ZNF467: variants seen among roughly 807,000 people sequenced by gnomAD.
ZNF467 encodes zinc finger protein 467, also known as zinc finger protein EZI.
ZNF467 carries 51 observed loss-of-function variants against 47.8 expected under a neutral mutation model. That is an observed-to-expected ratio of 1.07 (90% CI 0.85 to 1.35). The LOEUF (loss-of-function observed/expected upper bound fraction) is 1.35, where lower values mean the gene tolerates loss of function less well. Ranked by LOEUF, ZNF467 falls within the 40% of genes most tolerant of loss-of-function variation. The probability of loss-of-function intolerance (pLI) is 0.00; values close to 1 mark genes in which losing one functional copy is unlikely to be tolerated. For synonymous variants in ZNF467, 416 were observed against 372.9 expected, an observed-to-expected ratio of 1.12 and a Z score of -1.33; for missense variants, 992 against 858.1, an observed-to-expected ratio of 1.16 and a Z score of -1.95.
chr7:149,764,513 G>A lies in ZNF467; in HGVS notation c.*201C>T, dbSNP rs1432843629. On this transcript the variant is annotated 3_prime_UTR_variant, in exon 5 of 5. Coordinates refer to ENST00000302017, the MANE Select transcript of ZNF467 (RefSeq NM_207336.3). Reference sequence around the variant, plus strand: ...AAGAACTTCAGCTCAGCGGTTCCCAGCAAGGGTTCGCTGAGTCTCTGTCCT... The same window carrying A: ...AAGAACTTCAGCTCAGCGGTTCCCAACAAGGGTTCGCTGAGTCTCTGTCCT... 10 of 987,272 alleles carry A rather than the reference G, an allele frequency of 1.0e-5. No individual in the cohort carries two copies. The highest frequency in any genetic ancestry group is 1.5e-5 in the Non-Finnish European group (10 of 647,372). 61.2% of individuals were successfully genotyped at this position (987,272 alleles called of 1,614,324 possible).
At chr7:149,770,373 G>A (rs1051725580) in intron 3 of ZNF467, 67 bp downstream of exon 3, 13 of 1,071,050 alleles carry the variant, frequency 1.2e-5, no homozygotes, top group Middle Eastern at 2.2e-4. Flanking sequence ...AAGGGAGAGA[G>A]GTAGGGAGGG....
chr7:149,776,109 G>C (rs369306025), upstream of ZNF467: 1 of 1,360,234 alleles, frequency 7.4e-7, no homozygotes, highest in Non-Finnish European at 9.8e-7. Flanking sequence ...GCCCACCCTG[G>C]ACCCCTCTGA....
At chr7:149,770,303 A>G in intron 3 of ZNF467, 137 bp downstream of exon 3, 5 of 583,036 alleles carry the variant, frequency 8.6e-6, no homozygotes, top group Non-Finnish European at 1.5e-5. Flanking sequence ...CTCAATAAAT[A>G]TTTGATGAAT....
rs1047982602 is a variant in ZNF467 at position 149,769,779 on chromosome 7, C to T, written c.152-579G>A. Among the ~76,000 whole-genome samples the T allele has an allele frequency of 1.3e-5, 2 of 152,226 alleles. No homozygotes were observed. The highest frequency in any genetic ancestry group is 4.8e-5 in the African/African-American group (2 of 41,444). ...TCATACCTCACTGCAGCCTGGGCTT[C>T]AAGGGATCCTCCTGCCCCAGCCTCC... is the stretch of plus-strand genomic sequence containing the variant. On this transcript the variant is annotated intron_variant, in intron 3 of 4. Coordinates refer to ENST00000302017, the MANE Select transcript of ZNF467 (RefSeq NM_207336.3). This position sits in a 1 kb window ranked among gnomAD's most constrained non-coding sequence, Gnocchi z 5.3.
upstream of ZNF467, chr7:149,776,273 G>A: frequency 7.1e-6 from 9 of 1,266,620 alleles, no homozygotes; most frequent in Non-Finnish European, 9.4e-6. Flanking sequence ...ACCCCTGGGA[G>A]TGGTGTCATA....
At chr7:149,772,941 C>T (rs1365874799) in intron 1 of ZNF467, among the ~76,000 whole-genome samples, 167 bp downstream of exon 1, 1 of 142,444 alleles carries the variant, frequency 7.0e-6, no homozygotes, top group Non-Finnish European at 1.5e-5. Context: ...CTTGCCCTCC[C>T]TTCCCCCCAG....
At chr7:149,772,765 C>T (rs1297752589) in intron 1 of ZNF467, among the ~76,000 whole-genome samples, 1 of 143,158 alleles carries the variant, frequency 7.0e-6, no homozygotes, top group Non-Finnish European at 1.5e-5. Context: ...CCGCTTCTTC[C>T]TCCCCTTCCC....
chr7:149,774,524 C>T (rs1036420787), upstream of ZNF467, among the ~76,000 whole-genome samples: 2 of 152,194 alleles, frequency 1.3e-5, no homozygotes, highest in African/African-American at 4.8e-5. The surrounding 1 kb of genome is among the most constrained non-coding windows in gnomAD (Gnocchi z 5.7). Flanking sequence ...GGCCCTTGAG[C>T]TCCTGCTACC....
intron 2 of ZNF467, 64 bp from the exon 3 acceptor site, chr7:149,770,620 G>T: frequency 7.1e-7 from 1 of 1,416,534 alleles, no homozygotes. Context: ...ATCAGAGGCG[G>T]GGGCTGTTCC....
At chr7:149,771,793 C>T (rs1399157223) in intron 1 of ZNF467, among the ~76,000 whole-genome samples, 1 of 149,010 alleles carries the variant, frequency 6.7e-6, no homozygotes, top group Non-Finnish European at 1.5e-5. Context: ...CTGCCTTCCG[C>T]CCTCTCTCCC....
At position 149,770,438 on chromosome 7, in the gene ZNF467, AC is replaced by A. The variant is rs1253446489; in HGVS notation, c.151+1del. Reference sequence around the variant, plus strand: ...AGCCTTTCCAGGGTTCCTGTTACCTACCTGAGCACACCCCCAGTGCTCTCTC... The same window carrying A: ...AGCCTTTCCAGGGTTCCTGTTACCTACTGAGCACACCCCCAGTGCTCTCTC... On this transcript the variant is annotated splice_donor_variant, in intron 3 of 4. Coordinates refer to ENST00000302017, the MANE Select transcript of ZNF467 (RefSeq NM_207336.3). LOFTEE classifies it high-confidence loss of function. 1.2e-6 allele frequency: 2 copies of A among 1,602,516 alleles called. No homozygotes were observed. The highest frequency in any genetic ancestry group is 1.7e-6 in the Non-Finnish European group (2 of 1,173,420).
rs768456382 is a variant in ZNF467, at chr7:149,764,845, T to C, written c.1657A>G (p.Ser553Gly). The C allele has an allele frequency of 1.9e-6, 3 of 1,549,214 alleles. No individual in the cohort carries two copies. The highest frequency in any genetic ancestry group is 1.2e-5 in the South Asian group (1 of 83,398). Residue 553 changes from serine to glycine, a missense_variant, in exon 5 of 5, where the codon AGC (serine) becomes GGC (glycine). By Grantham distance (56) the Ser-to-Gly change is moderately conservative. Transcript: ENST00000302017. ...FSCPQCGKSFSRKTHLVRHQL... is the reference protein window; with the variant it reads ...FSCPQCGKSFGRKTHLVRHQL... ...TGCCGCACCAGGTGGGTCTTGCGGCTGAAGCTCTTTCCGCACTGCGGGCAG... is the reference window on the plus strand; with the variant it reads ...TGCCGCACCAGGTGGGTCTTGCGGCCGAAGCTCTTTCCGCACTGCGGGCAG...
Position 149,766,168 on chromosome 7 carries a change from G to A in ZNF467, c.334C>T (p.Pro112Ser). The A allele has an allele frequency of 6.4e-7, 1 of 1,572,162 alleles. No homozygotes were observed. The highest frequency in any genetic ancestry group is 8.7e-7 in the Non-Finnish European group (1 of 1,156,010). ...DQEAEEEVEWPQHLSLLPSPF... is the reference protein window; with the variant it reads ...DQEAEEEVEWSQHLSLLPSPF... The stretch of plus-strand genomic sequence containing the variant: ...CTGGGAAGTAACGATAGATGCTGGG[G>A]CCATTCGACCTCCTCTTCTGCCTCC... Residue 112 changes from proline (P) to serine (S), a missense_variant, in exon 5 of 5, where the codon CCC (proline) becomes TCC (serine). Pro to Ser is a moderately conservative substitution (Grantham distance 74, BLOSUM62 -1). Transcript: ENST00000302017.
chr7:149,770,914 T>G, intron 2 of ZNF467, 85 bp downstream of exon 2: 2 of 1,579,514 alleles, frequency 1.3e-6, no homozygotes, highest in Non-Finnish European at 1.7e-6. Flanking sequence ...TGCAGCCTCC[T>G]GAGGGTGGCT....
Position 149,764,727 on chromosome 7 carries a change from G to T in ZNF467, c.1775C>A (p.Pro592Gln). 1 of 1,560,404 alleles carries T rather than the reference G, an allele frequency of 6.4e-7. No homozygotes were observed. The highest frequency in any genetic ancestry group is 8.7e-7 in the Non-Finnish European group (1 of 1,149,468). ...TGAGAACTAGGCTCAGAAGAAGAGC[G>T]GGGGCGGCGCCACCTCGGGGGGAGC... ...WSAPPEVAPP[P>Q]LFF Residue 592 changes from proline (P) to glutamine (Q), a missense_variant, in exon 5 of 5, where the codon CCG becomes CAG. Coordinates refer to ENST00000302017, the MANE Select transcript of ZNF467 (RefSeq NM_207336.3).
intron 2 of ZNF467, 89 bp downstream of exon 2, chr7:149,770,910 C>G: frequency 1.3e-6 from 2 of 1,563,862 alleles, no homozygotes; most frequent in Admixed American, 3.4e-5. Context: ...GGGTTGCAGC[C>G]TCCTGAGGGT....
At chr7:149,775,153 C>T (rs1799540426), upstream of ZNF467, among the ~76,000 whole-genome samples, 1 of 152,208 alleles carries the variant, frequency 6.6e-6, no homozygotes, top group Non-Finnish European at 1.5e-5. Context: ...CCCGCCCACT[C>T]CTTCCAGAGG....
intron 3 of ZNF467, among the ~76,000 whole-genome samples, chr7:149,770,157 T>A (rs1332318517): frequency 6.7e-6 from 1 of 150,224 alleles, no homozygotes; most frequent in Non-Finnish European, 1.5e-5. Flanking sequence ...TTGAACATAG[T>A]TTAGAAATTT....
At chr7:149,768,214 G>A (rs1450950393) in intron 4 of ZNF467, among the ~76,000 whole-genome samples, 1 of 152,148 alleles carries the variant, frequency 6.6e-6, no homozygotes, top group Non-Finnish European at 1.5e-5. Flanking sequence ...TCATATTAAG[G>A]TCATCTCAAC....
Sources: allele counts gnomAD v4.1 joint callset (sites outside exome capture counted in the v4.1 genomes callset), GRCh38; gene constraint gnomAD v4.1.1; non-coding constraint Gnocchi (gnomAD v3.1); transcripts MANE v1.5; gene names NCBI Gene and HGNC (gene_info 2026-07-23, HGNC 2026-07-21).